The following FCRL2 variants were observed in gnomAD, a reference collection of about 807,000 sequenced individuals.
The protein encoded by FCRL2 is Fc receptor-like protein 2.
In FCRL2, 48 loss-of-function variants were observed where a neutral mutation model predicts 59.8. The ratio of observed to expected loss-of-function variants is 0.80; its 90% confidence interval spans 0.64 to 1.02. The LOEUF (loss-of-function observed/expected upper bound fraction) is 1.02. FCRL2 is among the 50% of genes least tolerant of loss of function. FCRL2 has a pLI of 0.00. For missense variants in FCRL2, 658 were observed against 597.3 expected, an observed-to-expected ratio of 1.10 and a Z score of -1.06; for synonymous variants, 251 against 229.5, an observed-to-expected ratio of 1.09 and a Z score of -0.85.
chr1:157,770,626 T>A lies in FCRL2; in HGVS notation c.93A>T (p.Gly31=), dbSNP rs1430059776. Residue 31 remains glycine, a synonymous_variant, in exon 3 of 12, where the codon GGA becomes GGT. Coordinates refer to ENST00000361516, the MANE Select transcript of FCRL2 (RefSeq NM_030764.4). The stretch of plus-strand genomic sequence containing the variant: ...CCTGGCATTTCAGAACGATGCTGTC[T>A]CCTTCGAAGACAGAAGAGGGCGCCA... ...TLVAPSSVFE[G]DSIVLKCQGE... 2.5e-6 allele frequency: 4 copies of A among 1,614,176 alleles called. No homozygotes were observed. The highest frequency in any genetic ancestry group is 3.4e-6 in the Non-Finnish European group (4 of 1,180,028).
rs962801343 is a variant in FCRL2 at position 157,746,218 on chromosome 1, G to T, written c.*518C>A. 1 of 153,532 alleles carries T rather than the reference G, an allele frequency of 6.5e-6. No individual in the cohort carries two copies. Among genetic ancestry groups the T allele is most frequent in the Admixed American group, 6.5e-5 (1 of 15,488 alleles). 9.5% of individuals were successfully genotyped at this position (153,532 alleles called of 1,614,324 possible). A position where few individuals can be genotyped will look rare whatever the true frequency, so the allele number is the denominator to read the frequency against. On this transcript the variant is annotated 3_prime_UTR_variant, in exon 12 of 12. Transcript: ENST00000361516. ...TATGCCAAAAAATCAAGGAGGAAGGGCTCCTGCCTAACTCATTCTATGAAG... is the reference window on the plus strand; with the variant it reads ...TATGCCAAAAAATCAAGGAGGAAGGTCTCCTGCCTAACTCATTCTATGAAG...
At chr1:157,749,784 G>A (rs1248198162) in intron 7 of FCRL2, 107 bp from the exon 8 acceptor site, 13 of 743,950 alleles carry the variant, frequency 1.7e-5, no homozygotes, top group Admixed American at 1.2e-4. Flanking sequence ...ATAAGATATA[G>A]AAGAGTAATC....
At chr1:157,774,592 C>T (rs1650269449) in intron 2 of FCRL2, 1 of 394,360 alleles carries the variant, frequency 2.5e-6, no homozygotes, top group African/African-American at 2.1e-5. Context: ...CTTCAGGGAG[C>T]CTGCTGTCTT....
chr1:157,749,325 T>A (rs921101590), intron 8 of FCRL2, among the ~76,000 whole-genome samples: 2 of 152,188 alleles, frequency 1.3e-5, no homozygotes, highest in Non-Finnish European at 2.9e-5. Flanking sequence ...ATACACATTT[T>A]GTGTGTATGT....
At position 157,768,495 on chromosome 1, in the gene FCRL2, T is replaced by C; in HGVS notation, c.802A>G (p.Ser268Gly). The change falls in exon 5 of 12, where the codon AGT (serine) becomes GGT (glycine). Residue 268 changes from serine (S) to glycine (G), a missense_variant. Physicochemically the swap from Ser to Gly is moderately conservative, Grantham distance 56. Coordinates refer to ENST00000361516, the MANE Select transcript of FCRL2 (RefSeq NM_030764.4). The part of the protein sequence containing the change: ...AELEIPAVKE[S>G]DAGKYYCRAD... ...CTACAGTAATATTTGCCGGCATCACTCTCTTTCACAGCTGGGATCTCCAGC... is the reference window on the plus strand; with the variant it reads ...CTACAGTAATATTTGCCGGCATCACCCTCTTTCACAGCTGGGATCTCCAGC... The C allele has an allele frequency of 1.2e-6, 2 of 1,614,192 alleles. No homozygotes were observed. The highest frequency in any genetic ancestry group is 1.7e-6 in the Non-Finnish European group (2 of 1,180,040).
chr1:157,775,707 A>G, intron 2 of FCRL2, 68 bp downstream of exon 2: 8 of 1,567,926 alleles, frequency 5.1e-6, no homozygotes, highest in Non-Finnish European at 7.0e-6. Context: ...CCACCTCTAT[A>G]GAATCCTGGG....
chr1:157,770,375 C>T, intron 3 of FCRL2, 34 bp downstream of exon 3: 1 of 1,584,878 alleles, frequency 6.3e-7, no homozygotes, highest in Non-Finnish European at 8.5e-7. Flanking sequence ...CGTGGTCTCT[C>T]ACCCAGCCCA....
chr1:157,765,108 A>G (rs1386421103), intron 7 of FCRL2, among the ~76,000 whole-genome samples: 2 of 152,192 alleles, frequency 1.3e-5, no homozygotes, highest in African/African-American at 2.4e-5. Context: ...AAATAAACAT[A>G]ATCAGAAACG....
intron 7 of FCRL2, among the ~76,000 whole-genome samples, chr1:157,759,746 A>G (rs1241630461): frequency 6.6e-6 from 1 of 152,252 alleles, no homozygotes; most frequent in Non-Finnish European, 1.5e-5. Flanking sequence ...CCCCAATGAG[A>G]TACCATCTCA....
intron 7 of FCRL2, among the ~76,000 whole-genome samples, chr1:157,750,383 A>T (rs1648101635): frequency 6.6e-6 from 1 of 152,230 alleles, no homozygotes; most frequent in African/African-American, 2.4e-5. Context: ...AGAAATCAGT[A>T]TCGCTTGTAA....
intron 2 of FCRL2, chr1:157,774,332 G>A (rs745725745): frequency 4.4e-5 from 18 of 408,922 alleles, no homozygotes; most frequent in Non-Finnish European, 8.3e-5. Context: ...GGGTTCAGAG[G>A]CCAAGTGACT....
rs781774282 is a variant in FCRL2 at position 157,777,091 on chromosome 1, A to G, written c.-18T>C. The G allele has an allele frequency of 1.2e-6, 2 of 1,614,202 alleles. No individual in the cohort carries two copies. The highest frequency in any genetic ancestry group is 2.2e-5 in the East Asian group (1 of 44,890). On this transcript the variant is annotated 5_prime_UTR_variant, in exon 1 of 12. Transcript: ENST00000361516. The stretch of plus-strand genomic sequence containing the variant: ...AGCAGCATGAGGACCTAATCCAGCT[A>G]TTTGAAAAGAGATGTACTCTTGGTC...
At chr1:157,768,393 A>G (rs368172454) in intron 5 of FCRL2, 21 bp downstream of exon 5, 84 of 1,604,712 alleles carry the variant, frequency 5.2e-5, no homozygotes, top group Non-Finnish European at 6.7e-5. Context: ...TCTGGAAGAT[A>G]TGAATGAGAG....
chr1:157,766,267 T>G (rs888848580), intron 7 of FCRL2, among the ~76,000 whole-genome samples: 1 of 152,180 alleles, frequency 6.6e-6, no homozygotes. Flanking sequence ...GTCAGGAGAT[T>G]GAGACCATCC....
chr1:157,746,441 G>C lies in FCRL2; in HGVS notation c.*295C>G, dbSNP rs962646361. 4.8e-5 allele frequency: 23 copies of C among 480,270 alleles called. No homozygotes were observed. The highest frequency in any genetic ancestry group is 8.6e-5 in the Non-Finnish European group (23 of 266,174). 29.8% of individuals were successfully genotyped at this position (480,270 alleles called of 1,614,324 possible). A position where few individuals can be genotyped will look rare whatever the true frequency, so the allele number is the denominator to read the frequency against. On this transcript the variant is annotated 3_prime_UTR_variant, in exon 12 of 12. Transcript: ENST00000361516. Reference sequence around the variant, plus strand: ...TCACAGTAGATGAAGGTGAGACCTTGTATCTCTTATTCATTCTTCCCTCAA... The same window carrying C: ...TCACAGTAGATGAAGGTGAGACCTTCTATCTCTTATTCATTCTTCCCTCAA...
At chr1:157,772,028 TTA>T (rs35452726) in intron 2 of FCRL2, among the ~76,000 whole-genome samples, 67 of 146,574 alleles carry the variant, frequency 4.6e-4, no homozygotes, top group Admixed American at 4.8e-4. Flanking sequence ...AACAATCTGA[TTA>T]TATATATATA....
At chr1:157,773,998 A>G (rs567996003) in intron 2 of FCRL2, among the ~76,000 whole-genome samples, 59 of 152,378 alleles carry the variant, frequency 3.9e-4, no homozygotes, top group African/African-American at 1.4e-3. Context: ...GCAAATAAAT[A>G]GGAGCACAAA....
At chr1:157,768,386 G>A (rs756856976) in intron 5 of FCRL2, 28 bp downstream of exon 5, 9 of 1,598,940 alleles carry the variant, frequency 5.6e-6, no homozygotes, top group Middle Eastern at 1.7e-4. Context: ...GGGAATTTCT[G>A]GAAGATATGA....
At chr1:157,756,356 T>A (rs1648589732) in intron 7 of FCRL2, among the ~76,000 whole-genome samples, 1 of 152,178 alleles carries the variant, frequency 6.6e-6, no homozygotes, top group African/African-American at 2.4e-5. Flanking sequence ...AAGAATTGTC[T>A]TAAGTGAAAC....
Sources: allele counts gnomAD v4.1 joint callset (sites outside exome capture counted in the v4.1 genomes callset), GRCh38; gene constraint gnomAD v4.1.1; transcripts MANE v1.5; gene names NCBI Gene and HGNC (gene_info 2026-07-23, HGNC 2026-07-21).